Variants in CPZ observed in about 807,000 individuals in gnomAD.
CPZ encodes the protein VEZT/CPZ fusion.
In CPZ, 103 loss-of-function variants were observed where a neutral mutation model predicts 61.8. That is an observed-to-expected ratio of 1.67 (90% CI 1.42 to 1.96). The LOEUF (loss-of-function observed/expected upper bound fraction) is 1.96. CPZ is among the 30% of genes most tolerant of loss of function. The probability of loss-of-function intolerance (pLI) is 0.00; values close to 1 mark genes in which losing one functional copy is unlikely to be tolerated. For missense variants in CPZ, 1,461 were observed against 914.9 expected, an observed-to-expected ratio of 1.60 and a Z score of -7.70; for synonymous variants, 551 against 373.7, an observed-to-expected ratio of 1.47 and a Z score of -5.47.
chr4:8,606,236 T>G, intron 5 of CPZ, 51 bp downstream of exon 5: 1 of 1,528,588 alleles, frequency 6.5e-7, no homozygotes. Context: ...AACCACCCCC[T>G]CATTCATCCA....
chr4:8,619,339 G>C lies in CPZ; in HGVS notation c.1681G>C (p.Val561Leu), dbSNP rs1345539360. ...TGCCCAAGCCCCTGGCTACGCCAAA[G>C]TCATCAAGAAAGTCATCATCCCCGC... ...VIAQAPGYAK[V>L]IKKVIIPARM... The change falls in exon 11 of 11, where the codon GTC becomes CTC. Residue 561 changes from valine (V) to leucine (L), a missense_variant. Transcript: ENST00000360986. The C allele has an allele frequency of 3.1e-6, 5 of 1,614,062 alleles. No homozygotes were observed. The highest frequency in any genetic ancestry group is 2.2e-5 in the East Asian group (1 of 44,896).
chr4:8,616,161 C>A (rs149752952), intron 9 of CPZ, among the ~76,000 whole-genome samples: 1 of 152,218 alleles, frequency 6.6e-6, no homozygotes, highest in African/African-American at 2.4e-5. Context: ...TTGAGACGGA[C>A]GTCTTACAGG....
chr4:8,619,507 G>A lies in CPZ; in HGVS notation c.1849G>A (p.Asp617Asn), dbSNP rs760245531. The change falls in exon 11 of 11, where the codon GAC (aspartate) becomes AAC (asparagine). Residue 617 changes from aspartate (D) to asparagine (N), a missense_variant. Coordinates refer to ENST00000360986, the MANE Select transcript of CPZ (RefSeq NM_001014447.3). ...CTCTTTGGGGGAGGCCACGGAGCCCGACCCGCTCCGGGCGCGCAGGCAGCC... is the reference window on the plus strand; with the variant it reads ...CTCTTTGGGGGAGGCCACGGAGCCCAACCCGCTCCGGGCGCGCAGGCAGCC... ...ASSLGEATEP[D>N]PLRARRQPSA... 68 of 1,601,924 alleles carry A rather than the reference G, an allele frequency of 4.2e-5. No homozygotes were observed. Among genetic ancestry groups the A allele is most frequent in the South Asian group, 1.3e-4 (12 of 89,704 alleles).
intron 1 of CPZ, among the ~76,000 whole-genome samples, chr4:8,598,621 G>A (rs540807430): frequency 2.0e-5 from 3 of 152,360 alleles, no homozygotes; most frequent in South Asian, 2.1e-4. Flanking sequence ...GGTGGGCTCC[G>A]GCATGGGCCC....
At chr4:8,618,627 C>G (rs1312660390) in intron 10 of CPZ, 99 bp downstream of exon 10, 1 of 1,158,088 alleles carries the variant, frequency 8.6e-7, no homozygotes, top group Non-Finnish European at 1.2e-6. Flanking sequence ...GTGCCCAGCC[C>G]TCAGCAGGAT....
intron 7 of CPZ, among the ~76,000 whole-genome samples, chr4:8,608,538 C>T (rs557547084): frequency 3.9e-5 from 6 of 152,020 alleles, no homozygotes; most frequent in East Asian, 1.9e-4. Flanking sequence ...GGAATGCAAA[C>T]GGGACTGGTC....
At position 8,619,157 on chromosome 4, in the gene CPZ, G is replaced by A. The variant is rs529434430; in HGVS notation, c.1604-105G>A. 182 of 968,810 alleles carry A rather than the reference G, an allele frequency of 1.9e-4. No homozygotes were observed. The African/African-American group carries it at 2.3e-3, about 12-fold the overall frequency. 60.0% of individuals were successfully genotyped at this position (968,810 alleles called of 1,614,324 possible). A position where few individuals can be genotyped will look rare whatever the true frequency, so the allele number is the denominator to read the frequency against. On this transcript the variant is annotated intron_variant, in intron 10 of 10. Transcript: ENST00000360986. ...ACACAGAGGCAAGTGCACATTTGGC[G>A]CCTGCCTCCCATGCTAACCTCTCCC...
rs147806032 is a variant in CPZ at position 8,606,121 on chromosome 4, A to C, written c.842A>C (p.Asn281Thr). 275 of 1,614,016 alleles carry C rather than the reference A, an allele frequency of 1.7e-4. No individual in the cohort carries two copies. The highest frequency in any genetic ancestry group is 8.6e-5 in the Non-Finnish European group (102 of 1,180,024). The change falls in exon 5 of 11, where the codon AAC (asparagine) becomes ACC (threonine). Residue 281 changes from asparagine (N) to threonine (T), a missense_variant. Transcript: ENST00000360986. ...LGNPRIQRLL[N>T]TTRIHLLPSM... ...AACCCCCGCATCCAGCGCCTGCTCA[A>C]CACCACCCGCATCCACCTGCTGCCC...
chr4:8,614,107 T>A (rs1715948509), intron 8 of CPZ, among the ~76,000 whole-genome samples: 1 of 152,252 alleles, frequency 6.6e-6, no homozygotes, highest in African/African-American at 2.4e-5. Flanking sequence ...CATCTGCGGA[T>A]CTGCAAAGTG....
chr4:8,599,550 G>A (rs993761594), intron 2 of CPZ, 65 bp downstream of exon 2: 1 of 1,599,502 alleles, frequency 6.3e-7, no homozygotes, highest in Non-Finnish European at 8.5e-7. Context: ...CACTGTCAGA[G>A]CACTTTAGGC....
rs1398108960 is a variant in CPZ, at chr4:8,607,261, G to A, written c.1069-6G>A. The A allele has an allele frequency of 6.2e-7, 1 of 1,613,886 alleles. No individual in the cohort carries two copies. The highest frequency in any genetic ancestry group is 8.5e-7 in the Non-Finnish European group (1 of 1,179,884). ...CCCTGAGGGCGGCCTCGTCTGTCCT[G>A]GGCAGGTGGCCCCGGAGACAAAGGC... On this transcript the variant is annotated splice_polypyrimidine_tract_variant and splice_region_variant and intron_variant, in intron 6 of 10. Transcript: ENST00000360986.
intron 7 of CPZ, chr4:8,611,207 C>T: frequency 2.2e-6 from 1 of 456,154 alleles, no homozygotes; most frequent in Non-Finnish European, 4.4e-6. Context: ...TTGGTGGGGC[C>T]CTGATGAGCT....
intron 7 of CPZ, chr4:8,611,082 GCTCATTCACTCA>G (rs1207576843): frequency 2.8e-5 from 10 of 362,280 alleles, no homozygotes; most frequent in Admixed American, 2.3e-4. Flanking sequence ...TCATTCATTC[GCTCATTCACTCA>G]CTCACTCACT....
At chr4:8,610,034 C>G (rs892579942) in intron 7 of CPZ, among the ~76,000 whole-genome samples, 1 of 152,206 alleles carries the variant, frequency 6.6e-6, no homozygotes, top group Non-Finnish European at 1.5e-5. Context: ...CCGAATCCTG[C>G]TCATGCTGTG....
intron 9 of CPZ, among the ~76,000 whole-genome samples, chr4:8,615,151 T>C (rs1249530366): frequency 1.3e-5 from 2 of 152,004 alleles, no homozygotes; most frequent in Non-Finnish European, 2.9e-5. Context: ...GCGTCCTGAC[T>C]GAGGGGTGAC....
In CPZ at chr4:8,614,312, T is replaced by G. The variant is rs1365305305; in HGVS notation, c.1364-47T>G. The G allele has an allele frequency of 1.9e-6, 3 of 1,587,578 alleles. No individual in the cohort carries two copies. In the Admixed American group the frequency reaches 5.1e-5, roughly 27 times the overall value. On this transcript the variant is annotated intron_variant, in intron 8 of 10. Coordinates refer to ENST00000360986, the MANE Select transcript of CPZ (RefSeq NM_001014447.3). The stretch of plus-strand genomic sequence containing the variant: ...TGACACCCCTGACGTCCCGGCTGTC[T>G]CTGTGCGGCTGACACCCCTGACGTC...
At chr4:8,603,599 C>G (rs1356020426) in intron 3 of CPZ, 2 of 282,274 alleles carry the variant, frequency 7.1e-6, no homozygotes, top group Non-Finnish European at 1.3e-5. Flanking sequence ...GTGCCACTGT[C>G]ATGGAAAACA....
intron 7 of CPZ, among the ~76,000 whole-genome samples, 196 bp downstream of exon 7, chr4:8,607,621 C>T (rs1297163825): frequency 6.6e-6 from 1 of 152,176 alleles, no homozygotes; most frequent in East Asian, 1.9e-4. Context: ...GCCTCAGGGG[C>T]CGTCGCTCCC....
At chr4:8,608,565 T>G (rs1311197221) in intron 7 of CPZ, among the ~76,000 whole-genome samples, 2 of 151,632 alleles carry the variant, frequency 1.3e-5, no homozygotes, top group Non-Finnish European at 2.9e-5. Flanking sequence ...CTGGGGGTCC[T>G]CAGTCTAGGG....
Sources: gnomAD v4.1 joint callset for allele counts (sites outside exome capture counted in the v4.1 genomes callset) on GRCh38, gnomAD v4.1.1 for gene constraint, MANE v1.5 for transcripts, NCBI Gene and HGNC (gene_info 2026-07-23, HGNC 2026-07-21) for gene names.